Variants in ERCC8 observed in about 807,000 individuals in gnomAD.
ERCC8 encodes DNA excision repair protein ERCC-8.
A neutral mutation model predicts 54.9 loss-of-function variants in ERCC8; 52 were observed. That is an observed-to-expected ratio of 0.95 (90% CI 0.76 to 1.19). The LOEUF (loss-of-function observed/expected upper bound fraction) is 1.19. Ranked by LOEUF, ERCC8 falls within the 50% of genes most tolerant of loss-of-function variation. ERCC8 has a pLI of 0.00. For missense variants in ERCC8, 514 were observed against 466.1 expected (o/e 1.10, Z -0.95); for synonymous variants, 146 against 157.2 (o/e 0.93, Z 0.53).
intron 1 of ERCC8, among the ~76,000 whole-genome samples, chr5:60,938,326 C>A (rs1244216960): frequency 1.3e-5 from 2 of 148,900 alleles, no homozygotes; most frequent in Non-Finnish European, 3.0e-5. Flanking sequence ...AAGAATGTGG[C>A]CTGTAAGATA....
chr5:60,881,217 T>G (rs563034364), intron 11 of ERCC8, among the ~76,000 whole-genome samples: 1 of 152,264 alleles, frequency 6.6e-6, no homozygotes, highest in South Asian at 2.1e-4. Context: ...ATCGTTCCTC[T>G]GGGAGTTTTG....
chr5:60,883,407 A>G (rs1431496387), intron 11 of ERCC8, among the ~76,000 whole-genome samples: 1 of 152,212 alleles, frequency 6.6e-6, no homozygotes, highest in Non-Finnish European at 1.5e-5. Flanking sequence ...TTTCTCTGCA[A>G]CATCTCCTCC....
chr5:60,869,875 C>A lies in ERCC8; in HGVS notation c.*4740G>T, dbSNP rs58930565. ...TTTGAAATATGGCAGAATATAAGTA[C>A]CTTAGGTGACGAAAGGACAGCCAAG... On this transcript the variant is annotated 3_prime_UTR_variant, in exon 12 of 12. Coordinates refer to ENST00000676185, the MANE Select transcript of ERCC8 (RefSeq NM_000082.4). Among the ~76,000 whole-genome samples the A allele has an allele frequency of 0.02, 3,039 of 151,954 alleles. 119 individuals are homozygous for A. The highest frequency in any genetic ancestry group is 0.07 in the African/African-American group (2,885 of 41,396).
chr5:60,892,363 C>T, intron 9 of ERCC8: 1 of 549,436 alleles, frequency 1.8e-6, no homozygotes, highest in Non-Finnish European at 3.7e-6. Context: ...CCAAGCATTC[C>T]ATGGTGTCTT....
At chr5:60,935,984 T>C (rs962417054) in intron 1 of ERCC8, among the ~76,000 whole-genome samples, 3 of 152,162 alleles carry the variant, frequency 2.0e-5, no homozygotes, top group Non-Finnish European at 4.4e-5. Flanking sequence ...ATCAGGGATG[T>C]TGGTCTGCGG....
In ERCC8 at chr5:60,933,860, A is replaced by G. The variant is rs1473962843; in HGVS notation, c.78-4901T>C. 4.6e-5 allele frequency among the ~76,000 whole-genome samples: 7 copies of G among 152,204 alleles called. No homozygotes were observed. The East Asian group carries it at 1.4e-3, about 29-fold the overall frequency. ...CCATTCCTGAGTTTCTTCACTTACAATATGGTCTCCAATTCCACCCAGGTC... is the reference window on the plus strand; with the variant it reads ...CCATTCCTGAGTTTCTTCACTTACAGTATGGTCTCCAATTCCACCCAGGTC... On this transcript the variant is annotated intron_variant, in intron 1 of 11. Coordinates refer to ENST00000676185, the MANE Select transcript of ERCC8 (RefSeq NM_000082.4).
intron 2 of ERCC8, among the ~76,000 whole-genome samples, chr5:60,926,580 T>C (rs28449887): frequency 6.6e-6 from 1 of 152,254 alleles, no homozygotes; most frequent in Non-Finnish European, 1.5e-5. Flanking sequence ...TTAGTTATTT[T>C]AAAAAATATT....
In ERCC8 at chr5:60,883,389, A is replaced by G. The variant is rs1419584771; in HGVS notation, c.1122+4051T>C. ...CCACTGATCAAGTGTCACTACTATTATTTCAGTTTTCTCTGCAACATCTCC... is the reference window on the plus strand; with the variant it reads ...CCACTGATCAAGTGTCACTACTATTGTTTCAGTTTTCTCTGCAACATCTCC... On this transcript the variant is annotated intron_variant, in intron 11 of 11. Coordinates refer to ENST00000676185, the MANE Select transcript of ERCC8 (RefSeq NM_000082.4). 2.0e-5 allele frequency among the ~76,000 whole-genome samples: 3 copies of G among 152,164 alleles called. No homozygotes were observed. The East Asian group carries it at 5.8e-4, about 29-fold the overall frequency.
chr5:60,922,924 T>C (rs890331685), intron 2 of ERCC8, among the ~76,000 whole-genome samples: 3 of 152,130 alleles, frequency 2.0e-5, no homozygotes, highest in Non-Finnish European at 4.4e-5. Context: ...TCAGGAGCAG[T>C]TTCCCTGATT....
In ERCC8 at chr5:60,883,027, C is replaced by T. The variant is rs564910199; in HGVS notation, c.1122+4413G>A. Reference sequence around the variant, plus strand: ...CACATGTCTGTAGGTGGATAAGCCACATGAGGGCCATGCTTCCTAATCCTA... The same window carrying T: ...CACATGTCTGTAGGTGGATAAGCCATATGAGGGCCATGCTTCCTAATCCTA... On this transcript the variant is annotated intron_variant, in intron 11 of 11. Coordinates refer to ENST00000676185, the MANE Select transcript of ERCC8 (RefSeq NM_000082.4). Among the ~76,000 whole-genome samples, 40 of 151,488 alleles carry T rather than the reference C, an allele frequency of 2.6e-4. 1 individual carries two copies. The East Asian group carries it at 6.2e-3, about 23-fold the overall frequency.
chr5:60,877,614 G>C (rs1294714104), intron 11 of ERCC8, among the ~76,000 whole-genome samples: 1 of 152,140 alleles, frequency 6.6e-6, no homozygotes, highest in African/African-American at 2.4e-5. Flanking sequence ...TGGATTCCTA[G>C]GTATTTTAAT....
rs533936554 is a variant in ERCC8, at chr5:60,867,109, T to G, written c.*7506A>C. 2.6e-5 allele frequency among the ~76,000 whole-genome samples: 4 copies of G among 152,180 alleles called. No homozygotes were observed. The highest frequency in any genetic ancestry group is 5.9e-5 in the Non-Finnish European group (4 of 68,034). ...CCTCAGCCTCCCAAAGTGCTGGGAT[T>G]ATAGGCGTGAGCCACCATGCCCAGC... On this transcript the variant is annotated 3_prime_UTR_variant, in exon 12 of 12. Transcript: ENST00000676185.
intron 11 of ERCC8, among the ~76,000 whole-genome samples, chr5:60,881,527 C>T (rs562856905): frequency 3.3e-5 from 5 of 152,310 alleles, no homozygotes; most frequent in South Asian, 2.1e-4. Flanking sequence ...TCTTCCCAGC[C>T]GCTTTGTTTA....
chr5:60,922,699 T>A (rs1749635179), intron 2 of ERCC8, among the ~76,000 whole-genome samples: 1 of 152,078 alleles, frequency 6.6e-6, no homozygotes, highest in African/African-American at 2.4e-5. Flanking sequence ...ATTCCTTCCT[T>A]CTCTTATGAA....
At chr5:60,893,775 T>A (rs1748641478) in intron 9 of ERCC8, 2 of 304,740 alleles carry the variant, frequency 6.6e-6, no homozygotes, top group Non-Finnish European at 1.2e-5. Context: ...CTCCCTTCCC[T>A]TTATAGTTAA....
rs766049153 is a variant in ERCC8, at chr5:60,904,905, G to T, written c.400-32C>A. ...ATCAAAAGACATTTAAAAAGTATAA[G>T]GTTTAAGTATAAAAACAAAGCAATA... On this transcript the variant is annotated intron_variant, in intron 4 of 11. Transcript: ENST00000676185. The T allele has an allele frequency of 6.5e-6, 7 of 1,072,050 alleles. No homozygotes were observed. The East Asian group carries it at 7.2e-5, about 11-fold the overall frequency. 66.4% of individuals were successfully genotyped at this position (1,072,050 alleles called of 1,614,324 possible).
intron 11 of ERCC8, among the ~76,000 whole-genome samples, chr5:60,880,541 T>C (rs1748179863): frequency 6.6e-6 from 1 of 152,230 alleles, no homozygotes; most frequent in Non-Finnish European, 1.5e-5. Context: ...TAGTCCCATA[T>C]TTCTTGGAGG....
intron 1 of ERCC8, 27 bp from the exon 2 acceptor site, chr5:60,928,986 A>G: frequency 7.7e-7 from 1 of 1,291,076 alleles, no homozygotes; most frequent in African/African-American, 1.5e-5. Context: ...GGAGAAAGAA[A>G]TTAACAAGTA....
intron 9 of ERCC8, among the ~76,000 whole-genome samples, chr5:60,897,531 T>C (rs1211670627): frequency 6.6e-6 from 1 of 152,170 alleles, no homozygotes; most frequent in African/African-American, 2.4e-5. Flanking sequence ...AATTATAAGC[T>C]TTTAGTAGTT....
Sources: allele counts gnomAD v4.1 joint callset (sites outside exome capture counted in the v4.1 genomes callset), GRCh38; gene constraint gnomAD v4.1.1; transcripts MANE v1.5; gene names NCBI Gene and HGNC (gene_info 2026-07-23, HGNC 2026-07-21).